ROBO1: variants seen among roughly 807,000 people sequenced by gnomAD.
The protein encoded by ROBO1 is roundabout homolog 1.
ROBO1 carries 149 observed loss-of-function variants against 195.9 expected under a neutral mutation model. The observed-to-expected ratio is 0.76, with a 90% CI of 0.67 to 0.87. The LOEUF (loss-of-function observed/expected upper bound fraction) is 0.87, where lower values mean the gene tolerates loss of function less well. Ranked by LOEUF, ROBO1 falls within the 40% of genes least tolerant of loss-of-function variation. ROBO1 has a pLI of 0.00. For synonymous variants in ROBO1, 816 were observed against 733.2 expected (o/e 1.11, Z -1.82); for missense variants, 1,933 against 2,068.3 (o/e 0.93, Z 1.27).
chr3:78,762,591 A>C (rs2083132888), intron 4 of ROBO1, among the ~76,000 whole-genome samples: 1 of 152,006 alleles, frequency 6.6e-6, no homozygotes, highest in Admixed American at 6.6e-5. Flanking sequence ...TTCTTAAGTT[A>C]GTTTTTTCTT....
chr3:78,720,765 TA>T (rs2082021538), intron 5 of ROBO1, among the ~76,000 whole-genome samples: 1 of 152,054 alleles, frequency 6.6e-6, no homozygotes, highest in African/African-American at 2.4e-5. Context: ...TATGCAGCCA[TA>T]AAAAAGGATG....
At chr3:78,677,161 C>T (rs1299238513) in intron 10 of ROBO1, among the ~76,000 whole-genome samples, 2 of 152,142 alleles carry the variant, frequency 1.3e-5, no homozygotes, top group Admixed American at 1.3e-4. Context: ...CCTAAAAGAG[C>T]TCCTGAAGGA....
chr3:78,639,904 T>TA lies in ROBO1; in HGVS notation c.2883-7dup, dbSNP rs369027577. The TA allele has an allele frequency of 0.015, 20,135 of 1,370,444 alleles. 163 individuals carry two copies. Among genetic ancestry groups the TA allele is most frequent in the East Asian group, 0.078 (2,844 of 36,322 alleles). The allele number at this position is 1,370,444 out of a possible 1,614,324, so 84.9% of individuals were successfully genotyped here. ...TGATGTTGAGAAGTCCAGGCCTAAA[T>TA]AAAAAAAAAATATTAAAGCAAATGT... On this transcript the variant is annotated splice_region_variant and splice_polypyrimidine_tract_variant and intron_variant, in intron 21 of 30. Coordinates refer to ENST00000464233, the MANE Select transcript of ROBO1 (RefSeq NM_002941.4).
At chr3:79,582,249 T>C (rs1318456593) in intron 2 of ROBO1, among the ~76,000 whole-genome samples, 1 of 151,840 alleles carries the variant, frequency 6.6e-6, no homozygotes, top group Non-Finnish European at 1.5e-5. Flanking sequence ...TATGGTCCTA[T>C]TCAAATGTTG....
chr3:79,479,705 C>T (rs1938736365), intron 2 of ROBO1, among the ~76,000 whole-genome samples: 1 of 152,160 alleles, frequency 6.6e-6, no homozygotes, highest in Non-Finnish European at 1.5e-5. Flanking sequence ...GCAAATAACT[C>T]ATGGATTAAT....
intron 1 of ROBO1, among the ~76,000 whole-genome samples, chr3:79,656,120 G>C (rs1946150649): frequency 6.6e-6 from 1 of 151,984 alleles, no homozygotes; most frequent in Non-Finnish European, 1.5e-5. Flanking sequence ...TTTTAAATCA[G>C]TTTTTATAAC....
intron 2 of ROBO1, among the ~76,000 whole-genome samples, chr3:79,357,075 G>T (rs932348845): frequency 3.3e-5 from 5 of 152,104 alleles, no homozygotes; most frequent in Admixed American, 3.3e-4. Flanking sequence ...CTTTATTTCT[G>T]CTTCTGGAGG....
At chr3:79,502,782 C>T (rs1057075385) in intron 2 of ROBO1, among the ~76,000 whole-genome samples, 1 of 151,596 alleles carries the variant, frequency 6.6e-6, no homozygotes, top group Non-Finnish European at 1.5e-5. Flanking sequence ...GTGAATACAC[C>T]AATCAGTACT....
chr3:79,737,717 A>T (rs2107397906), intron 1 of ROBO1, among the ~76,000 whole-genome samples: 1 of 152,240 alleles, frequency 6.6e-6, no homozygotes, highest in Middle Eastern at 3.4e-3. Context: ...GTCAGAAAGT[A>T]AGTGATTCAT....
At chr3:79,425,480 T>A (rs2106969112) in intron 2 of ROBO1, among the ~76,000 whole-genome samples, 1 of 152,250 alleles carries the variant, frequency 6.6e-6, no homozygotes, top group Non-Finnish European at 1.5e-5. Flanking sequence ...TATTTTCCAC[T>A]TCAATCACAA....
intron 1 of ROBO1, among the ~76,000 whole-genome samples, chr3:79,702,378 T>C (rs1284954081): frequency 1.3e-5 from 2 of 151,850 alleles, no homozygotes; most frequent in African/African-American, 4.8e-5. Context: ...AGTCCTGAGG[T>C]AACCCACTTC....
intron 4 of ROBO1, among the ~76,000 whole-genome samples, chr3:78,754,490 TA>T (rs958775114): frequency 6.6e-6 from 1 of 152,246 alleles, no homozygotes; most frequent in Non-Finnish European, 1.5e-5. Flanking sequence ...CTTCTGTATT[TA>T]TTGCCTGGCT....
chr3:79,704,189 G>A (rs1356020650), intron 1 of ROBO1, among the ~76,000 whole-genome samples: 1 of 151,844 alleles, frequency 6.6e-6, no homozygotes, highest in Non-Finnish European at 1.5e-5. Flanking sequence ...TGGTACATTT[G>A]CTACAATATC....
chr3:79,444,948 A>G (rs1474681831), intron 2 of ROBO1, among the ~76,000 whole-genome samples: 2 of 151,934 alleles, frequency 1.3e-5, no homozygotes, highest in Admixed American at 1.3e-4. Context: ...GGTTAATACA[A>G]TAAAAGTGAT....
intron 2 of ROBO1, among the ~76,000 whole-genome samples, chr3:79,588,689 A>T (rs1943904812): frequency 6.6e-6 from 1 of 151,742 alleles, no homozygotes; most frequent in African/African-American, 2.4e-5. Flanking sequence ...AGTTGTGGCA[A>T]GAGAAGGGAA....
At chr3:78,635,662 A>G in intron 23 of ROBO1, 111 bp downstream of exon 23, 3 of 936,824 alleles carry the variant, frequency 3.2e-6, no homozygotes, top group South Asian at 4.1e-5. Flanking sequence ...AGAAAATCTC[A>G]GCGACAGAAG....
intron 4 of ROBO1, among the ~76,000 whole-genome samples, chr3:78,896,027 G>A (rs2037206881): frequency 6.6e-6 from 1 of 152,114 alleles, no homozygotes; most frequent in Non-Finnish European, 1.5e-5. Context: ...AACTACACAA[G>A]ACACCTAAAC....
intron 2 of ROBO1, among the ~76,000 whole-genome samples, chr3:79,572,480 G>A (rs1487362985): frequency 2.0e-5 from 3 of 151,718 alleles, no homozygotes; most frequent in Admixed American, 6.6e-5. Context: ...GGTGTGTTTA[G>A]GTAATATATA....
intron 17 of ROBO1, among the ~76,000 whole-genome samples, chr3:78,657,737 G>T (rs763700863): frequency 6.6e-6 from 1 of 152,140 alleles, no homozygotes; most frequent in Non-Finnish European, 1.5e-5. Context: ...GCCAAGCCTC[G>T]TACTTCAACA....
Sources: gnomAD v4.1 joint callset for allele counts (sites outside exome capture counted in the v4.1 genomes callset) on GRCh38, gnomAD v4.1.1 for gene constraint, MANE v1.5 for transcripts, NCBI Gene and HGNC (gene_info 2026-07-23, HGNC 2026-07-21) for gene names.